Variants in GABRA3 observed in about 807,000 individuals in gnomAD.
GABRA3 encodes the protein gamma-aminobutyric acid receptor subunit alpha-3.
Under a neutral mutation model 30.1 loss-of-function variants are expected in GABRA3, and 10 were observed. The observed-to-expected ratio is 0.33, with a 90% confidence interval of 0.20 to 0.56. GABRA3 has a LOEUF of 0.56. GABRA3 is among the 20% of genes least tolerant of loss of function. GABRA3 has a pLI of 0.89. For synonymous variants in GABRA3, 151 were observed against 146.8 expected (o/e 1.03, Z -0.21); for missense variants, 233 against 392.0 (o/e 0.59, Z 3.42).
intron 3 of GABRA3, among the ~76,000 whole-genome samples, chrX:152,314,427 T>C (rs915216660): frequency 4.4e-5 from 5 of 112,375 alleles, no homozygotes; most frequent in African/African-American, 1.6e-4. Flanking sequence ...GTAAGTAAGA[T>C]CTTATCACTT....
At chrX:152,363,757 T>C (rs1244683860) in intron 2 of GABRA3, among the ~76,000 whole-genome samples, 1 of 112,216 alleles carries the variant, frequency 8.9e-6, no homozygotes, top group African/African-American at 3.2e-5. Context: ...AGAATTATTA[T>C]TAAACTATAT....
At chrX:152,257,842 C>G (rs1464632297) in intron 4 of GABRA3, among the ~76,000 whole-genome samples, 2 of 111,881 alleles carry the variant, frequency 1.8e-5, no homozygotes, top group South Asian at 7.4e-4. Context: ...AATGTAGCAA[C>G]CTCAAAATTC....
intron 3 of GABRA3, among the ~76,000 whole-genome samples, chrX:152,296,781 C>G (rs984808680): frequency 1.8e-5 from 2 of 108,973 alleles, no homozygotes; most frequent in Non-Finnish European, 3.8e-5. Context: ...CTCACTGCAA[C>G]CTCCATCTCC....
At chrX:152,246,760 A>C (rs2124406734) in intron 5 of GABRA3, among the ~76,000 whole-genome samples, 1 of 111,464 alleles carries the variant, frequency 9.0e-6, no homozygotes, top group East Asian at 2.8e-4. Flanking sequence ...ACTTCTGTTC[A>C]TTAGAGTGAG....
intron 1 of GABRA3, among the ~76,000 whole-genome samples, chrX:152,369,608 T>C (rs889272160): frequency 1.8e-5 from 2 of 111,343 alleles, no homozygotes; most frequent in African/African-American, 6.5e-5. Flanking sequence ...ACTTCCTTCA[T>C]AGTGTTATTA....
chrX:152,378,999 A>G (rs922025927), intron 1 of GABRA3, among the ~76,000 whole-genome samples: 9 of 111,789 alleles, frequency 8.1e-5, no homozygotes, highest in African/African-American at 2.9e-4. Context: ...ACAAAACTAC[A>G]CAAAACATAG....
At chrX:152,315,306 C>A (rs1939857536) in intron 3 of GABRA3, among the ~76,000 whole-genome samples, 1 of 111,096 alleles carries the variant, frequency 9.0e-6, no homozygotes, top group Non-Finnish European at 1.9e-5. Context: ...ATTTAGAGAG[C>A]CACGCAAAAT....
chrX:152,248,478 T>TA (rs1938497086), intron 5 of GABRA3, among the ~76,000 whole-genome samples: 2 of 110,835 alleles, frequency 1.8e-5, no homozygotes, highest in South Asian at 7.6e-4. Context: ...CCCTAAAACT[T>TA]AAAGTATAAT....
intron 5 of GABRA3, among the ~76,000 whole-genome samples, chrX:152,231,184 T>C (rs1407201429): frequency 9.3e-6 from 1 of 107,804 alleles, no homozygotes; most frequent in East Asian, 2.9e-4. Flanking sequence ...TACACACATA[T>C]GTATATATAC....
At chrX:152,191,201 T>G (rs1410420718) in intron 8 of GABRA3, among the ~76,000 whole-genome samples, 2 of 110,763 alleles carry the variant, frequency 1.8e-5, no homozygotes, top group Non-Finnish European at 3.8e-5. Context: ...AACAATAGTG[T>G]TGTCATACTA....
intron 1 of GABRA3, among the ~76,000 whole-genome samples, chrX:152,419,815 A>G (rs1330446855): frequency 8.9e-6 from 1 of 112,068 alleles, no homozygotes; most frequent in Admixed American, 9.5e-5. Context: ...TTGACAGAAA[A>G]AAGAAAACTG....
At chrX:152,300,314 C>T (rs1012287156) in intron 3 of GABRA3, among the ~76,000 whole-genome samples, 6 of 111,233 alleles carry the variant, frequency 5.4e-5, no homozygotes, top group African/African-American at 2.0e-4. Context: ...CTAGTAAAGT[C>T]TTTGAAAACT....
chrX:152,307,559 A>C (rs1014163482), intron 3 of GABRA3, among the ~76,000 whole-genome samples: 1 of 111,822 alleles, frequency 8.9e-6, no homozygotes, highest in African/African-American at 3.3e-5. Context: ...CAAAAATGGC[A>C]GACTAGACAT....
intron 3 of GABRA3, among the ~76,000 whole-genome samples, chrX:152,327,701 A>G (rs971385974): frequency 1.8e-5 from 2 of 111,989 alleles, no homozygotes; most frequent in East Asian, 2.8e-4. Context: ...CATTTAAAGC[A>G]GTGTGTAGAG....
chrX:152,237,820 T>A (rs868748065), intron 5 of GABRA3, among the ~76,000 whole-genome samples: 1,641 of 107,325 alleles, frequency 0.015, 28 homozygotes, highest in Middle Eastern at 0.048. Context: ...TAAGAATGCT[T>A]GTGATTTTTG....
chrX:152,221,966 T>C (rs568194068), intron 6 of GABRA3, among the ~76,000 whole-genome samples: 1 of 112,043 alleles, frequency 8.9e-6, no homozygotes, highest in African/African-American at 3.2e-5. Flanking sequence ...TGAGAACTTG[T>C]GGTATTTGGT....
At chrX:152,345,823 C>G in intron 2 of GABRA3, 121 bp from the exon 3 acceptor site, 3 of 599,728 alleles carry the variant, frequency 5.0e-6, no homozygotes, top group Non-Finnish European at 4.9e-6. Flanking sequence ...AGACCTATAT[C>G]TTATCCAAAA....
chrX:152,372,208 C>T (rs1928860744), intron 1 of GABRA3, among the ~76,000 whole-genome samples: 1 of 111,442 alleles, frequency 9.0e-6, no homozygotes, highest in South Asian at 3.8e-4. Context: ...TCTTCTCAAA[C>T]TTTCCTAGTG....
chrX:152,409,254 G>A (rs1930010398), intron 1 of GABRA3, among the ~76,000 whole-genome samples: 1 of 111,162 alleles, frequency 9.0e-6, no homozygotes, highest in Non-Finnish European at 1.9e-5. Context: ...TGCTATTCAG[G>A]AGGTTCACTC....
Sources: gnomAD v4.1 joint callset for allele counts (sites outside exome capture counted in the v4.1 genomes callset) on GRCh38, gnomAD v4.1.1 for gene constraint, MANE v1.5 for transcripts, NCBI Gene and HGNC (gene_info 2026-07-23, HGNC 2026-07-21) for gene names.